The following NIPSNAP3B variants were observed in gnomAD, a reference collection of about 807,000 sequenced individuals.
NIPSNAP3B encodes protein NipSnap homolog 3B.
NIPSNAP3B carries 30 observed loss-of-function variants against 31.5 expected under a neutral mutation model. That is an observed-to-expected ratio of 0.95 (90% CI 0.71 to 1.29). NIPSNAP3B has a LOEUF of 1.29. Ranked by LOEUF, NIPSNAP3B falls within the 50% of genes most tolerant of loss-of-function variation. The pLI is 0.00. For synonymous variants in NIPSNAP3B, 106 were observed against 107.9 expected (o/e 0.98, Z 0.11); for missense variants, 269 against 300.7 (o/e 0.89, Z 0.78).
At chr9:104,788,142 C>T in the NIPSNAP3B span, 2 of 1,381,356 alleles carry the variant, frequency 1.4e-6, no homozygotes, top group Admixed American at 3.4e-5. Flanking sequence ...AGTTCTTTCA[C>T]TGAGTAGGAC....
chr9:104,787,050 G>T, the NIPSNAP3B span: 2 of 1,343,946 alleles, frequency 1.5e-6, no homozygotes, highest in Non-Finnish European at 2.1e-6. Flanking sequence ...TTTAAATGCA[G>T]AAGCATCTTT....
the NIPSNAP3B span, chr9:104,787,870 G>A: frequency 6.2e-7 from 1 of 1,613,782 alleles, no homozygotes; most frequent in Non-Finnish European, 8.5e-7. Context: ...GAACAGTCAT[G>A]TTTTCCACTC....
At chr9:104,786,908 G>A in the NIPSNAP3B span, 1 of 1,613,800 alleles carries the variant, frequency 6.2e-7, no homozygotes, top group East Asian at 2.2e-5. Flanking sequence ...TCCCCTCCTT[G>A]ACAACACTTA....
At position 104,770,962 on chromosome 9, in the gene NIPSNAP3B, G is replaced by A; in HGVS notation, c.544G>A (p.Gly182Ser). The change falls in exon 4 of 6, where the codon GGT becomes AGT. Residue 182 changes from glycine to serine, a missense_variant. Transcript: ENST00000374762. ...HVNLGYTKVV[G>S]VFHTEYGELN... ...CAATTTAGGCTACACAAAAGTAGTT[G>A]GTGTTTTCCACACAGAATATGGAGA... 3.1e-6 allele frequency: 5 copies of A among 1,613,846 alleles called. No individual in the cohort carries two copies. Among genetic ancestry groups the A allele is most frequent in the Non-Finnish European group, 4.2e-6 (5 of 1,179,786 alleles).
the NIPSNAP3B span, chr9:104,782,961 G>A: frequency 6.6e-6 from 1 of 152,404 alleles, no homozygotes; most frequent in East Asian, 1.9e-4. Flanking sequence ...GAAGTGTACT[G>A]AGACTTAATA....
downstream of NIPSNAP3B, among the ~76,000 whole-genome samples, chr9:104,778,527 A>G (rs1828383614): frequency 6.6e-6 from 1 of 152,104 alleles, no homozygotes; most frequent in African/African-American, 2.4e-5. Context: ...ACGCCCAGCC[A>G]ACTTGCACAC....
At chr9:104,771,745 G>A (rs536387867) in intron 4 of NIPSNAP3B, among the ~76,000 whole-genome samples, 1 of 152,314 alleles carries the variant, frequency 6.6e-6, no homozygotes, top group South Asian at 2.1e-4. Flanking sequence ...TATATATCCA[G>A]TAATGGGATT....
At chr9:104,783,867 C>G in the NIPSNAP3B span, 7 of 169,450 alleles carry the variant, frequency 4.1e-5, no homozygotes, top group African/African-American at 1.7e-4. Flanking sequence ...ACCGGGAAAC[C>G]AGTCTCCTGG....
the NIPSNAP3B span, chr9:104,784,256 G>T: frequency 1.2e-6 from 2 of 1,606,532 alleles, no homozygotes; most frequent in Admixed American, 1.7e-5. Context: ...CACTTCACAT[G>T]GTGCAAAGGA....
the NIPSNAP3B span, chr9:104,782,840 G>C: frequency 7.5e-6 from 1 of 133,260 alleles, no homozygotes; most frequent in South Asian, 2.5e-4. Flanking sequence ...CTTTTGCATT[G>C]TTGCAATTAA....
chr9:104,774,891 T>C lies in NIPSNAP3B; in HGVS notation c.*1818T>C, dbSNP rs547345047. 3.3e-5 allele frequency among the ~76,000 whole-genome samples: 5 copies of C among 152,272 alleles called. No individual in the cohort carries two copies. Among genetic ancestry groups the C allele is most frequent in the African/African-American group, 1.2e-4 (5 of 41,550 alleles). On this transcript the variant is annotated 3_prime_UTR_variant, in exon 6 of 6. Coordinates refer to ENST00000374762, the MANE Select transcript of NIPSNAP3B (RefSeq NM_018376.4). The stretch of plus-strand genomic sequence containing the variant: ...TTCGATGACTCCCAGCACCTGCGCG[T>C]CCATCTTCATTCTTAGCCAATGACC...
At chr9:104,781,612 G>C (rs1021597713), downstream of NIPSNAP3B, 2 of 152,596 alleles carry the variant, frequency 1.3e-5, no homozygotes, top group African/African-American at 4.8e-5. Context: ...TTTCAGTACA[G>C]ATAATGAAAT....
chr9:104,767,215 T>C (rs891141885), intron 2 of NIPSNAP3B, among the ~76,000 whole-genome samples: 12 of 152,116 alleles, frequency 7.9e-5, no homozygotes, highest in African/African-American at 2.9e-4. Context: ...ATTTAATAAT[T>C]CTGTTATGTT....
Position 104,773,104 on chromosome 9 carries a change from A to G in NIPSNAP3B, c.*31A>G, listed in dbSNP as rs1828261253. 1 of 1,595,284 alleles carries G rather than the reference A, an allele frequency of 6.3e-7. No homozygotes were observed. The highest frequency in any genetic ancestry group is 8.6e-7 in the Non-Finnish European group (1 of 1,164,192). ...TACTGAAATACAAAACATTTCATTA[A>G]CTGCTCTAAGATGTGTCTGCTAATG... On this transcript the variant is annotated 3_prime_UTR_variant, in exon 6 of 6. Transcript: ENST00000374762.
At chr9:104,779,930 CT>C (rs1428962322), downstream of NIPSNAP3B, among the ~76,000 whole-genome samples, 1 of 152,098 alleles carries the variant, frequency 6.6e-6, no homozygotes, top group African/African-American at 2.4e-5. Context: ...ACTTGGGAAG[CT>C]GAGGAGAATC....
chr9:104,786,843 CA>C, the NIPSNAP3B span: 20 of 1,572,698 alleles, frequency 1.3e-5, no homozygotes, highest in African/African-American at 2.6e-4. Flanking sequence ...AAACATCCCA[CA>C]GTGAGGAACC....
At chr9:104,764,607 T>C (rs1828051705) in intron 1 of NIPSNAP3B, among the ~76,000 whole-genome samples, 1 of 152,330 alleles carries the variant, frequency 6.6e-6, no homozygotes, top group East Asian at 1.9e-4. Context: ...TGGCGTAGTC[T>C]CGGCTCAGTG....
At chr9:104,784,380 C>T in the NIPSNAP3B span, 6 of 1,614,018 alleles carry the variant, frequency 3.7e-6, no homozygotes, top group Non-Finnish European at 5.1e-6. Context: ...ACGTCCACTA[C>T]TGTCTGGTTT....
At chr9:104,789,068 G>C in the NIPSNAP3B span, among the ~76,000 whole-genome samples, 1 of 152,204 alleles carries the variant, frequency 6.6e-6, no homozygotes, top group African/African-American at 2.4e-5. Flanking sequence ...TCACATGTGA[G>C]AGAAGTTCAG....
Sources: gnomAD v4.1 joint callset for allele counts (sites outside exome capture counted in the v4.1 genomes callset) on GRCh38, gnomAD v4.1.1 for gene constraint, MANE v1.5 for transcripts, NCBI Gene and HGNC (gene_info 2026-07-23, HGNC 2026-07-21) for gene names.